SLC25A21: variants seen among roughly 807,000 people sequenced by gnomAD.
SLC25A21 encodes mitochondrial 2-oxodicarboxylate carrier.
A neutral mutation model predicts 43.8 loss-of-function variants in SLC25A21; 47 were observed. That is an observed-to-expected ratio of 1.07 (90% CI 0.85 to 1.37). The LOEUF is 1.37. Among genes scored for constraint, SLC25A21 ranks in the 40% most tolerant of loss-of-function variants. SLC25A21 has a pLI of 0.00. For synonymous variants in SLC25A21, 131 were observed against 121.3 expected (o/e 1.08, Z -0.52); for missense variants, 352 against 350.2 (o/e 1.00, Z -0.04).
At chr14:36,969,377 A>G (rs907738756) in intron 1 of SLC25A21, among the ~76,000 whole-genome samples, 1 of 152,146 alleles carries the variant, frequency 6.6e-6, no homozygotes, top group Non-Finnish European at 1.5e-5. Flanking sequence ...CTGTGATTAC[A>G]GGCCACAGTA....
chr14:37,163,369 G>A (rs916620168), intron 1 of SLC25A21, among the ~76,000 whole-genome samples: 1 of 151,720 alleles, frequency 6.6e-6, no homozygotes, highest in East Asian at 1.9e-4. Flanking sequence ...CATTTTTCTG[G>A]TAACCCCAGC....
intron 1 of SLC25A21, among the ~76,000 whole-genome samples, chr14:37,124,839 C>T (rs1382954509): frequency 6.6e-6 from 1 of 152,128 alleles, no homozygotes; most frequent in Non-Finnish European, 1.5e-5. Flanking sequence ...GCGCCGCCTA[C>T]CTCTCTCTCT....
At chr14:36,807,434 A>G (rs1888081387) in intron 3 of SLC25A21, among the ~76,000 whole-genome samples, 1 of 152,166 alleles carries the variant, frequency 6.6e-6, no homozygotes, top group South Asian at 2.1e-4. Flanking sequence ...GAAGTTTAGG[A>G]GGAGGATGAT....
intron 6 of SLC25A21, among the ~76,000 whole-genome samples, chr14:36,718,859 T>C (rs530844345): frequency 6.6e-6 from 1 of 152,342 alleles, no homozygotes; most frequent in East Asian, 1.9e-4. Context: ...ACACTAATTA[T>C]TTCTTTTTTG....
intron 1 of SLC25A21, among the ~76,000 whole-genome samples, chr14:37,156,810 T>G (rs995635690): frequency 2.0e-5 from 3 of 152,164 alleles, no homozygotes; most frequent in Non-Finnish European, 4.4e-5. Flanking sequence ...AAGAGAGAGA[T>G]AGACTCCAAC....
chr14:37,031,028 T>A (rs943702150), intron 1 of SLC25A21, among the ~76,000 whole-genome samples: 3 of 152,226 alleles, frequency 2.0e-5, no homozygotes, highest in Admixed American at 2.0e-4. Flanking sequence ...ATTGGCAATC[T>A]TTAAGCCACT....
chr14:36,681,079 GTAGA>G (rs145718351), intron 9 of SLC25A21, among the ~76,000 whole-genome samples: 2,764 of 152,284 alleles, frequency 0.018, 28 homozygotes, highest in Non-Finnish European at 0.028. Context: ...TTCTTCATGT[GTAGA>G]TAAAGGATTT....
chr14:37,000,647 C>A (rs576949203), intron 1 of SLC25A21, among the ~76,000 whole-genome samples: 64 of 152,262 alleles, frequency 4.2e-4, no homozygotes, highest in Middle Eastern at 3.4e-3. Context: ...GTGTCCCACC[C>A]AAATCTCATA....
At chr14:36,856,072 T>C (rs888098801) in intron 2 of SLC25A21, among the ~76,000 whole-genome samples, 2 of 152,124 alleles carry the variant, frequency 1.3e-5, no homozygotes, top group African/African-American at 2.4e-5. Context: ...AAACCCTGGT[T>C]AACCTTACCA....
chr14:36,915,472 T>C (rs973458053), intron 1 of SLC25A21, among the ~76,000 whole-genome samples: 3 of 152,154 alleles, frequency 2.0e-5, no homozygotes, highest in Non-Finnish European at 2.9e-5. Context: ...AAATCTATCA[T>C]GAACATTTCG....
At chr14:36,761,517 C>G (rs1886156083) in intron 3 of SLC25A21, among the ~76,000 whole-genome samples, 1 of 152,238 alleles carries the variant, frequency 6.6e-6, no homozygotes, top group Non-Finnish European at 1.5e-5. Flanking sequence ...TACTGAAAGT[C>G]AGTTAATCTG....
rs372178961 is a variant in SLC25A21 at position 36,897,434 on chromosome 14, C to T, written c.71-22430G>A. ...GCATTGGTTATTCTAGTTAGCCATTCGTCTAATTTTTTTTCAAGGTTTTTA... is the reference window on the plus strand; with the variant it reads ...GCATTGGTTATTCTAGTTAGCCATTTGTCTAATTTTTTTTCAAGGTTTTTA... On this transcript the variant is annotated intron_variant, in intron 1 of 9. Transcript: ENST00000331299. Among the ~76,000 whole-genome samples, 20 of 152,184 alleles carry T rather than the reference C, an allele frequency of 1.3e-4. No homozygotes were observed. In the East Asian group the frequency reaches 2.7e-3, roughly 21 times the overall value.
At chr14:37,143,909 T>A (rs1963615278) in intron 1 of SLC25A21, among the ~76,000 whole-genome samples, 1 of 152,204 alleles carries the variant, frequency 6.6e-6, no homozygotes, top group African/African-American at 2.4e-5. Context: ...TTACAAAGTA[T>A]AATTAATTAA....
intron 3 of SLC25A21, among the ~76,000 whole-genome samples, chr14:36,778,182 T>G (rs1343851718): frequency 6.6e-6 from 1 of 152,230 alleles, no homozygotes; most frequent in Non-Finnish European, 1.5e-5. Context: ...AGCTTCTTCC[T>G]TGACCCTCTT....
chr14:36,927,630 T>C (rs1008038675), intron 1 of SLC25A21, among the ~76,000 whole-genome samples: 1 of 152,204 alleles, frequency 6.6e-6, no homozygotes, highest in Admixed American at 6.5e-5. Flanking sequence ...GCTATCTCTA[T>C]CTGGATGATC....
intron 3 of SLC25A21, among the ~76,000 whole-genome samples, chr14:36,758,817 A>G (rs552545306): frequency 1.4e-4 from 22 of 152,304 alleles, no homozygotes; most frequent in South Asian, 6.2e-4. Context: ...TAAAACTTCA[A>G]GCAAAAACTC....
intron 6 of SLC25A21, among the ~76,000 whole-genome samples, chr14:36,713,185 G>C (rs1883967678): frequency 6.6e-6 from 1 of 152,164 alleles, no homozygotes; most frequent in Non-Finnish European, 1.5e-5. Context: ...TTTTAGAGCA[G>C]CAGAGAAACC....
intron 1 of SLC25A21, among the ~76,000 whole-genome samples, chr14:36,923,240 A>G (rs151256843): frequency 6.6e-6 from 1 of 152,344 alleles, no homozygotes; most frequent in East Asian, 1.9e-4. Context: ...TGAACAGAAC[A>G]AAGATAACAG....
At chr14:36,888,507 A>G (rs1365875571) in intron 1 of SLC25A21, among the ~76,000 whole-genome samples, 5 of 151,960 alleles carry the variant, frequency 3.3e-5, no homozygotes, top group Admixed American at 6.6e-5. Context: ...TTATATCTAT[A>G]TATGTTCTGT....
Sources: allele counts gnomAD v4.1 joint callset (sites outside exome capture counted in the v4.1 genomes callset), GRCh38; gene constraint gnomAD v4.1.1; transcripts MANE v1.5; gene names NCBI Gene and HGNC (gene_info 2026-07-23, HGNC 2026-07-21).